COL22A1: variants seen among roughly 807,000 people sequenced by gnomAD.
The protein encoded by COL22A1 is collagen type XXII alpha 1 chain.
Under a neutral mutation model 248.9 loss-of-function variants are expected in COL22A1, and 221 were observed. That is an observed-to-expected ratio of 0.89 (90% confidence interval 0.80 to 0.99). The LOEUF (loss-of-function observed/expected upper bound fraction) is 0.99. Ranked by LOEUF, COL22A1 falls within the 50% of genes least tolerant of loss-of-function variation. The pLI is 0.00. For missense variants in COL22A1, 2,240 were observed against 2,179.0 expected (o/e 1.03, Z -0.56); for synonymous variants, 891 against 793.4 (o/e 1.12, Z -2.07).
Position 138,762,571 on chromosome 8 carries a change from A to C in COL22A1, c.1804-105T>G, listed in dbSNP as rs1833574602. 3.8e-6 allele frequency: 4 copies of C among 1,049,188 alleles called. No homozygotes were observed. In the Admixed American group the frequency reaches 5.8e-5, roughly 15 times the overall value. The allele number at this position is 1,049,188 out of a possible 1,614,324, so 65.0% of individuals were successfully genotyped here. ...GTCATGGACAAGGAGGGTGGGGAAAAGGTGCCAAACGCACGTGCACACACA... is the reference window on the plus strand; with the variant it reads ...GTCATGGACAAGGAGGGTGGGGAAACGGTGCCAAACGCACGTGCACACACA... On this transcript the variant is annotated intron_variant, in intron 16 of 64. Transcript: ENST00000303045.
intron 43 of COL22A1, 23 bp downstream of exon 43, chr8:138,662,007 C>A: frequency 6.2e-7 from 1 of 1,603,380 alleles, no homozygotes; most frequent in South Asian, 1.1e-5. Context: ...TTCACTGAGT[C>A]CACGCCATTT....
intron 51 of COL22A1, among the ~76,000 whole-genome samples, chr8:138,624,230 C>A (rs1013921611): frequency 2.0e-5 from 3 of 152,138 alleles, no homozygotes; most frequent in Non-Finnish European, 2.9e-5. Context: ...TGGTTCACTA[C>A]TGTGGGCACA....
At chr8:138,742,346 G>A (rs200919542) in intron 22 of COL22A1, among the ~76,000 whole-genome samples, 41 of 151,124 alleles carry the variant, frequency 2.7e-4, no homozygotes, top group East Asian at 2.6e-3. Flanking sequence ...GCTAGTGATC[G>A]TGATGGTGAT....
intron 30 of COL22A1, among the ~76,000 whole-genome samples, chr8:138,712,026 G>C (rs191372421): frequency 6.6e-6 from 1 of 152,294 alleles, no homozygotes; most frequent in African/African-American, 2.4e-5. Context: ...TGACAGCAGT[G>C]ACCCCTCATG....
intron 41 of COL22A1, among the ~76,000 whole-genome samples, chr8:138,664,201 GCGCGCGCGCACACACACACACA>G (rs1380682017): frequency 1.8e-4 from 16 of 87,812 alleles, no homozygotes; most frequent in Admixed American, 5.6e-4. Flanking sequence ...GGGTGCGCGC[GCGCGCGCGCACACACACACACA>G]CACACACACA....
chr8:138,595,626 T>C (rs1469800633), intron 62 of COL22A1, among the ~76,000 whole-genome samples: 1 of 152,062 alleles, frequency 6.6e-6, no homozygotes, highest in Non-Finnish European at 1.5e-5. Context: ...TTGCCCTCAT[T>C]TCCATACAGG....
intron 23 of COL22A1, among the ~76,000 whole-genome samples, chr8:138,732,487 C>T (rs895511651): frequency 3.3e-5 from 5 of 152,332 alleles, no homozygotes; most frequent in Non-Finnish European, 7.3e-5. Context: ...TGCCATAAAA[C>T]GGTTGGAGGC....
intron 4 of COL22A1, among the ~76,000 whole-genome samples, chr8:138,842,593 T>C (rs1273340959): frequency 6.6e-6 from 1 of 152,200 alleles, no homozygotes; most frequent in Non-Finnish European, 1.5e-5. Flanking sequence ...AGTGGGAATG[T>C]TGAAGTGAAA....
At chr8:138,665,705 A>G (rs185108400) in intron 41 of COL22A1, among the ~76,000 whole-genome samples, 198 of 152,358 alleles carry the variant, frequency 1.3e-3, no homozygotes, top group Non-Finnish European at 6.2e-4. Context: ...CCACAAGGAC[A>G]TAACAAGTGG....
chr8:138,758,649 C>CT (rs1177928805), intron 18 of COL22A1, among the ~76,000 whole-genome samples: 1 of 152,184 alleles, frequency 6.6e-6, no homozygotes, highest in African/African-American at 2.4e-5. Context: ...GTTCCAGTGA[C>CT]TTTCCCAAAT....
chr8:138,911,920 C>A (rs1428476085), intron 1 of COL22A1, among the ~76,000 whole-genome samples: 1 of 152,178 alleles, frequency 6.6e-6, no homozygotes, highest in Non-Finnish European at 1.5e-5. Flanking sequence ...TCTAATAAGA[C>A]AGGCCCAACA....
intron 56 of COL22A1, among the ~76,000 whole-genome samples, chr8:138,611,876 T>C (rs1276636499): frequency 1.3e-5 from 2 of 152,200 alleles, no homozygotes; most frequent in Non-Finnish European, 2.9e-5. Context: ...CACAGTAGGG[T>C]GGAGAATACA....
In COL22A1 at chr8:138,706,201, C is replaced by T. The variant is rs1171885796; in HGVS notation, c.2518-2854G>A. On this transcript the variant is annotated intron_variant, in intron 30 of 64. Transcript: ENST00000303045. The stretch of plus-strand genomic sequence containing the variant: ...ACAATAATAATGGGAGACTTTAACA[C>T]CCCACTGTCAACATTAGACAGATCA... 1.6e-4 allele frequency among the ~76,000 whole-genome samples: 25 copies of T among 152,242 alleles called. No homozygotes were observed. In the East Asian group the frequency reaches 1.9e-3, roughly 12 times the overall value.
chr8:138,797,714 C>T (rs568444083), intron 11 of COL22A1, among the ~76,000 whole-genome samples: 4 of 152,200 alleles, frequency 2.6e-5, no homozygotes, highest in Admixed American at 2.6e-4. Flanking sequence ...CATGAAGATT[C>T]CAATTTCTCC....
chr8:138,718,965 C>T (rs957385018), intron 27 of COL22A1, among the ~76,000 whole-genome samples: 7 of 152,074 alleles, frequency 4.6e-5, no homozygotes, highest in African/African-American at 1.4e-4. Flanking sequence ...ATGAGAAACT[C>T]GATGGGAATG....
intron 30 of COL22A1, among the ~76,000 whole-genome samples, chr8:138,710,264 G>A (rs1028271264): frequency 2.0e-5 from 3 of 152,200 alleles, no homozygotes; most frequent in African/African-American, 4.8e-5. Flanking sequence ...TCCATGGTGA[G>A]TGGATACAGT....
At position 138,660,416 on chromosome 8, in the gene COL22A1, A is replaced by G. The variant is rs1308805555; in HGVS notation, c.3285+20T>C. On this transcript the variant is annotated intron_variant, in intron 44 of 64. Transcript: ENST00000303045. ...CCTGACTGATAGTCAATATTCATCC[A>G]GAACCATAAGATGACATACCGGCTT... The G allele has an allele frequency of 1.2e-6, 2 of 1,607,704 alleles. No individual in the cohort carries two copies. The highest frequency in any genetic ancestry group is 1.7e-6 in the Non-Finnish European group (2 of 1,173,990).
chr8:138,767,170 C>T (rs924818012), intron 16 of COL22A1, among the ~76,000 whole-genome samples: 16 of 152,312 alleles, frequency 1.1e-4, no homozygotes, highest in Middle Eastern at 6.8e-3. Context: ...AGCTAATCTA[C>T]GTGAGATGCT....
chr8:138,641,225 G>A (rs573715200), intron 47 of COL22A1, among the ~76,000 whole-genome samples: 471 of 152,292 alleles, frequency 3.1e-3, no homozygotes, highest in African/African-American at 0.01. Context: ...GGAATCCCAA[G>A]GCTTTTTCAG....
Sources: allele counts gnomAD v4.1 joint callset (sites outside exome capture counted in the v4.1 genomes callset), GRCh38; gene constraint gnomAD v4.1.1; transcripts MANE v1.5; gene names NCBI Gene and HGNC (gene_info 2026-07-23, HGNC 2026-07-21).